The following FAM135B variants were observed in gnomAD, a reference collection of about 807,000 sequenced individuals.
The protein encoded by FAM135B is family with sequence similarity 135 member B.
FAM135B carries 43 observed loss-of-function variants against 127.7 expected under a neutral mutation model. The ratio of observed to expected loss-of-function variants is 0.34; its 90% CI spans 0.26 to 0.43. The LOEUF (loss-of-function observed/expected upper bound fraction) is 0.43. FAM135B is among the 20% of genes least tolerant of loss of function. The probability of loss-of-function intolerance (pLI) is 1.00; values close to 1 mark genes in which losing one functional copy is unlikely to be tolerated. For synonymous variants in FAM135B, 670 were observed against 665.1 expected (o/e 1.01, Z -0.11); for missense variants, 1,558 against 1,725.6 (o/e 0.90, Z 1.72).
intron 3 of FAM135B, among the ~76,000 whole-genome samples, chr8:138,269,684 C>T (rs918748242): frequency 1.3e-5 from 2 of 152,188 alleles, no homozygotes; most frequent in Non-Finnish European, 2.9e-5. Flanking sequence ...CTAGACTTGT[C>T]CCCACTTTCC....
rs963065965 is a variant in FAM135B at position 138,337,304 on chromosome 8, G to C, written c.78-26384C>G. On this transcript the variant is annotated intron_variant, in intron 2 of 19. Transcript: ENST00000395297. ...AATAAAGGGTATTCAATTAGGAAAA[G>C]AGGAAGTCAAATTGTCCCTGTTTGC... Among the ~76,000 whole-genome samples the C allele has an allele frequency of 4.0e-4, 61 of 151,752 alleles. 2 individuals are homozygous for C. The highest frequency in any genetic ancestry group is 1.4e-3 in the African/African-American group (56 of 41,398).
At chr8:138,374,270 C>G (rs1212533208) in intron 1 of FAM135B, among the ~76,000 whole-genome samples, 1 of 152,144 alleles carries the variant, frequency 6.6e-6, no homozygotes, top group African/African-American at 2.4e-5. Context: ...CCAGTAAGTC[C>G]AGGCTTCTGC....
intron 1 of FAM135B, among the ~76,000 whole-genome samples, chr8:138,452,486 G>A (rs567644360): frequency 6.6e-6 from 1 of 152,136 alleles, no homozygotes; most frequent in African/African-American, 2.4e-5. Flanking sequence ...GAGAGGCCCA[G>A]GAAAAATAAA....
Position 138,321,594 on chromosome 8 carries a change from G to A in FAM135B, c.78-10674C>T, listed in dbSNP as rs1047408282. On this transcript the variant is annotated intron_variant, in intron 2 of 19. Transcript: ENST00000395297. ...TGACCTTGAATAAATCACTGTCACA[G>A]TGTCCCTGTGCTCAAGGTCCTCAGG... is the stretch of plus-strand genomic sequence containing the variant. Among the ~76,000 whole-genome samples the A allele has an allele frequency of 4.6e-5, 7 of 152,290 alleles. No homozygotes were observed. The East Asian group carries it at 5.8e-4, about 13-fold the overall frequency.
intron 1 of FAM135B, among the ~76,000 whole-genome samples, chr8:138,396,958 A>G (rs1396280447): frequency 6.6e-6 from 1 of 152,204 alleles, no homozygotes; most frequent in Non-Finnish European, 1.5e-5. Context: ...AGTCTAAGGA[A>G]GCAAACTAAA....
chr8:138,220,235 G>C (rs543321914), intron 7 of FAM135B, among the ~76,000 whole-genome samples: 5 of 152,276 alleles, frequency 3.3e-5, no homozygotes, highest in South Asian at 2.1e-4. Flanking sequence ...GTATTCTCTT[G>C]ATTGGGTCAC....
intron 3 of FAM135B, among the ~76,000 whole-genome samples, chr8:138,279,789 C>A (rs866334837): frequency 2.0e-5 from 3 of 152,294 alleles, no homozygotes; most frequent in East Asian, 3.9e-4. Context: ...CCCTCTCACC[C>A]TCTATTGTTC....
intron 7 of FAM135B, among the ~76,000 whole-genome samples, chr8:138,219,845 GAAACAGAT>G (rs1818885026): frequency 6.6e-6 from 1 of 152,124 alleles, no homozygotes; most frequent in South Asian, 2.1e-4. Flanking sequence ...GGTAGAAACA[GAAACAGAT>G]GCACAGGTGC....
intron 12 of FAM135B, among the ~76,000 whole-genome samples, chr8:138,167,488 G>A (rs1355773397): frequency 4.6e-5 from 7 of 152,142 alleles, no homozygotes; most frequent in Admixed American, 1.3e-4. Flanking sequence ...GAGCCACGGC[G>A]TCCAGCCTTT....
At chr8:138,390,342 T>G (rs75279716) in intron 1 of FAM135B, among the ~76,000 whole-genome samples, 33 of 152,104 alleles carry the variant, frequency 2.2e-4, no homozygotes, top group Admixed American at 2.0e-3. Context: ...CCAGGAGAGC[T>G]GTTGGTTTTA....
At chr8:138,360,588 C>A (rs1343058328) in intron 2 of FAM135B, among the ~76,000 whole-genome samples, 2 of 152,166 alleles carry the variant, frequency 1.3e-5, no homozygotes, top group African/African-American at 4.8e-5. Context: ...AAGAGGCTAG[C>A]AAAGAGAGGC....
intron 1 of FAM135B, among the ~76,000 whole-genome samples, chr8:138,494,839 A>G (rs1187811628): frequency 2.3e-5 from 3 of 132,218 alleles, no homozygotes; most frequent in African/African-American, 8.1e-5. Context: ...TATACTGTAA[A>G]AAAAAAAAAA....
chr8:138,349,702 T>C (rs1487064566), intron 2 of FAM135B, among the ~76,000 whole-genome samples: 1 of 152,162 alleles, frequency 6.6e-6, no homozygotes, highest in Non-Finnish European at 1.5e-5. Flanking sequence ...TGAGGATAGA[T>C]GGATGGACAG....
At chr8:138,494,835 G>GT (rs1445185405) in intron 1 of FAM135B, among the ~76,000 whole-genome samples, 2 of 112,126 alleles carry the variant, frequency 1.8e-5, no homozygotes, top group African/African-American at 6.0e-5. Flanking sequence ...TGTTTATACT[G>GT]TAAAAAAAAA....
rs1185930826 is a variant in FAM135B, at chr8:138,442,228, T to C, written c.-20+54443A>G. Among the ~76,000 whole-genome samples the C allele has an allele frequency of 6.6e-5, 3 of 45,170 alleles. No individual in the cohort carries two copies. In the East Asian group the frequency reaches 1.4e-3, roughly 22 times the overall value. 29.6% of individuals were successfully genotyped at this position (45,170 alleles called of 152,430 possible). A position where few individuals can be genotyped will look rare whatever the true frequency, so the allele number is the denominator to read the frequency against. On this transcript the variant is annotated intron_variant, in intron 1 of 19. Coordinates refer to ENST00000395297, the MANE Select transcript of FAM135B (RefSeq NM_015912.4). ...AAATAAAAAAATTTAACGTGAAGAA[T>C]ATGGACACCATATATATATATATAT...
intron 1 of FAM135B, among the ~76,000 whole-genome samples, chr8:138,413,477 A>G (rs1458973110): frequency 2.0e-5 from 3 of 152,198 alleles, no homozygotes; most frequent in South Asian, 2.1e-4. Flanking sequence ...CTTCTCTGAG[A>G]TCTCAGAAGA....
intron 1 of FAM135B, among the ~76,000 whole-genome samples, chr8:138,433,721 T>C (rs1362532982): frequency 6.6e-6 from 1 of 152,146 alleles, no homozygotes. Context: ...TTATGACTTG[T>C]TTTCTTAGCC....
chr8:138,318,583 G>A (rs768785308), intron 2 of FAM135B, among the ~76,000 whole-genome samples: 5 of 152,158 alleles, frequency 3.3e-5, no homozygotes, highest in African/African-American at 4.8e-5. Context: ...CCAGTTATCC[G>A]AAGCCACAGA....
Position 138,357,094 on chromosome 8 carries a change from G to T in FAM135B, c.77+10813C>A, listed in dbSNP as rs375803216. On this transcript the variant is annotated intron_variant, in intron 2 of 19. Coordinates refer to ENST00000395297, the MANE Select transcript of FAM135B (RefSeq NM_015912.4). ...GACTACAAAGCAAGACAAGCAGCAA[G>T]ATGTATTCATTTTTAGAGCATATTA... Among the ~76,000 whole-genome samples, 7 of 152,100 alleles carry T rather than the reference G, an allele frequency of 4.6e-5. No individual in the cohort carries two copies. In the South Asian group the frequency reaches 8.3e-4, roughly 18 times the overall value.
Sources: gnomAD v4.1 joint callset for allele counts (sites outside exome capture counted in the v4.1 genomes callset) on GRCh38, gnomAD v4.1.1 for gene constraint, MANE v1.5 for transcripts, NCBI Gene and HGNC (gene_info 2026-07-23, HGNC 2026-07-21) for gene names.